Variants in COPS2 observed in about 807,000 individuals in gnomAD.
The protein encoded by COPS2 is COP9 signalosome subunit 2.
COPS2 carries 10 observed loss-of-function variants against 66.1 expected under a neutral mutation model. The ratio of observed to expected loss-of-function variants is 0.15; its 90% CI spans 0.09 to 0.26. The LOEUF (loss-of-function observed/expected upper bound fraction) is 0.26. COPS2 is among the 10% of genes least tolerant of loss of function. The probability of loss-of-function intolerance (pLI) is 1.00; values close to 1 mark genes in which losing one functional copy is unlikely to be tolerated. For missense variants in COPS2, 215 were observed against 513.3 expected (o/e 0.42, Z 5.62); for synonymous variants, 179 against 171.3 (o/e 1.04, Z -0.35).
In COPS2 at chr15:49,123,812, C is replaced by T. The variant is rs2084142509; in HGVS notation, c.*4138G>A. Reference sequence around the variant, plus strand: ...AAAAGTAAAATTTTAGAGAACCACACACTGGTTTCTTCTGAGACATTACCT... The same window carrying T: ...AAAAGTAAAATTTTAGAGAACCACATACTGGTTTCTTCTGAGACATTACCT... On this transcript the variant is annotated 3_prime_UTR_variant, in exon 13 of 13. Transcript: ENST00000388901. 1 of 152,116 alleles carries T rather than the reference C, an allele frequency of 6.6e-6. No homozygotes were observed. The highest frequency in any genetic ancestry group is 1.5e-5 in the Non-Finnish European group (1 of 68,020). 9.4% of individuals were successfully genotyped at this position (152,116 alleles called of 1,614,324 possible). A position where few individuals can be genotyped will look rare whatever the true frequency, so the allele number is the denominator to read the frequency against.
chr15:49,146,165 T>C lies in COPS2; in HGVS notation c.55-1087A>G, dbSNP rs113283575. ...AAATACATTAACACAAGATGAATTT[T>C]TCAATAATCAAGAGTGGCTTTGTAA... On this transcript the variant is annotated intron_variant, in intron 1 of 12. Transcript: ENST00000388901. 6.3e-3 allele frequency among the ~76,000 whole-genome samples: 955 copies of C among 152,256 alleles called. 17 individuals are homozygous for C. The highest frequency in any genetic ancestry group is 0.022 in the African/African-American group (919 of 41,568).
In COPS2 at chr15:49,151,303, G is replaced by A. The variant is rs1187909759; in HGVS notation, c.54+4222C>T. On this transcript the variant is annotated intron_variant, in intron 1 of 12. Transcript: ENST00000388901. ...TGGTCCCAGCTATTCAGGAGGTTGAGGCAGGAGAATTGCTTGAACCCAGAA... is the reference window on the plus strand; with the variant it reads ...TGGTCCCAGCTATTCAGGAGGTTGAAGCAGGAGAATTGCTTGAACCCAGAA... 5.3e-5 allele frequency among the ~76,000 whole-genome samples: 8 copies of A among 151,750 alleles called. No homozygotes were observed. The East Asian group carries it at 1.5e-3, about 29-fold the overall frequency.
intron 11 of COPS2, 111 bp from the exon 12 acceptor site, chr15:49,128,871 A>G: frequency 1.5e-6 from 1 of 681,472 alleles, no homozygotes; most frequent in Admixed American, 2.7e-5. Context: ...ATTAGTGAAG[A>G]GAAGATTTTT....
intron 1 of COPS2, among the ~76,000 whole-genome samples, chr15:49,152,971 C>A (rs967219634): frequency 2.0e-5 from 3 of 152,132 alleles, no homozygotes; most frequent in Admixed American, 2.0e-4. Flanking sequence ...CTTCATGGGA[C>A]AAAAAGATTC....
At chr15:49,149,638 C>T (rs914834072) in intron 1 of COPS2, among the ~76,000 whole-genome samples, 1 of 152,118 alleles carries the variant, frequency 6.6e-6, no homozygotes, top group Non-Finnish European at 1.5e-5. Flanking sequence ...ACAGAGCAGC[C>T]AGGGTCAATT....
intron 1 of COPS2, among the ~76,000 whole-genome samples, chr15:49,152,920 C>A (rs1362384202): frequency 1.3e-5 from 2 of 152,196 alleles, no homozygotes; most frequent in Non-Finnish European, 2.9e-5. Flanking sequence ...AGTTAAAACA[C>A]TGTATGTTTA....
chr15:49,129,255 G>C (rs1337580473), intron 11 of COPS2, among the ~76,000 whole-genome samples: 3 of 151,514 alleles, frequency 2.0e-5, no homozygotes, highest in Admixed American at 2.0e-4. Context: ...CACTGTGCCT[G>C]TGAATAGCCA....
intron 6 of COPS2, among the ~76,000 whole-genome samples, chr15:49,135,653 T>A (rs1212630761): frequency 6.6e-6 from 1 of 152,170 alleles, no homozygotes; most frequent in Non-Finnish European, 1.5e-5. Context: ...AACAGGAAGA[T>A]ATTCATAAAT....
rs187180537 is a variant in COPS2, at chr15:49,128,328, C to T, written c.1188-234G>A. ...AAGACCCATAAGGCATAGATTTATC[C>T]GATTAATCAAAGGCAAGTATCACCT... On this transcript the variant is annotated intron_variant, in intron 12 of 12. Coordinates refer to ENST00000388901, the MANE Select transcript of COPS2 (RefSeq NM_004236.4). 1.2e-4 allele frequency among the ~76,000 whole-genome samples: 19 copies of T among 152,210 alleles called. No individual in the cohort carries two copies. The East Asian group carries it at 2.9e-3, about 23-fold the overall frequency.
chr15:49,150,324 T>G (rs1336362412), intron 1 of COPS2, among the ~76,000 whole-genome samples: 1 of 151,926 alleles, frequency 6.6e-6, no homozygotes, highest in East Asian at 1.9e-4. Context: ...TGCAGACATT[T>G]TTCTATATTT....
chr15:49,149,936 C>T (rs140429420), intron 1 of COPS2, among the ~76,000 whole-genome samples: 3 of 152,264 alleles, frequency 2.0e-5, no homozygotes, highest in African/African-American at 7.2e-5. Flanking sequence ...AAAAAATTCA[C>T]ACAAGTTAAT....
In COPS2 at chr15:49,133,829, A is replaced by G. The variant is rs756309808; in HGVS notation, c.895-18T>C. ...GGCTTGGCCTAAACACAGTAAAGAA[A>G]AAAATTAAATATATGTACAAAGAAA... On this transcript the variant is annotated intron_variant, in intron 8 of 12. Coordinates refer to ENST00000388901, the MANE Select transcript of COPS2 (RefSeq NM_004236.4). 2.1e-5 allele frequency: 33 copies of G among 1,569,134 alleles called. No homozygotes were observed. The South Asian group carries it at 3.3e-4, about 15-fold the overall frequency.
Position 49,128,703 on chromosome 15 carries a change from T to C in COPS2, c.1186A>G (p.Asn396Asp). 6.3e-7 allele frequency: 1 copy of C among 1,596,750 alleles called. No individual in the cohort carries two copies. Among genetic ancestry groups the C allele is most frequent in the Non-Finnish European group, 8.6e-7 (1 of 1,168,078 alleles). The change falls in exon 12 of 13, where the codon AAC becomes GAC. Residue 396 changes from asparagine (N) to aspartate (D), a missense_variant and splice_region_variant. Transcript: ENST00000388901. ...ESLLVQCILD[N>D]TIHGRIDQVN... ...GATAAAAAATAGTAAAGTACTTACT[T>C]ATCCAATATGCACTGCACCAGCAAG...
In COPS2 at chr15:49,129,604, A is replaced by G. The variant is rs1454206587; in HGVS notation, c.1046-45T>C. 4.0e-6 allele frequency: 4 copies of G among 1,001,912 alleles called. No homozygotes were observed. The African/African-American group carries it at 6.7e-5, about 17-fold the overall frequency. The allele number at this position is 1,001,912 out of a possible 1,614,324, so 62.1% of individuals were successfully genotyped here. A position where few individuals can be genotyped will look rare whatever the true frequency, so the allele number is the denominator to read the frequency against. On this transcript the variant is annotated intron_variant, in intron 10 of 12. Transcript: ENST00000388901. The stretch of plus-strand genomic sequence containing the variant: ...AATAACATTTTATTTAACAGTTTGT[A>G]TGATATCTTTATGGATCATTATGTA...
intron 1 of COPS2, among the ~76,000 whole-genome samples, chr15:49,148,562 G>C (rs903412941): frequency 3.9e-5 from 6 of 152,182 alleles, no homozygotes; most frequent in African/African-American, 1.4e-4. Context: ...AAGATGAACT[G>C]GTATTGAACA....
intron 1 of COPS2, among the ~76,000 whole-genome samples, chr15:49,153,880 G>C (rs992457776): frequency 2.6e-5 from 4 of 152,088 alleles, no homozygotes; most frequent in Non-Finnish European, 5.9e-5. Flanking sequence ...AGGGTGTTGT[G>C]GGGGGAAGAG....
chr15:49,141,676 C>T (rs909069565), intron 3 of COPS2, among the ~76,000 whole-genome samples: 10 of 152,178 alleles, frequency 6.6e-5, no homozygotes, highest in Non-Finnish European at 1.5e-4. Flanking sequence ...CCACACATAA[C>T]ATAGCTCCTA....
At chr15:49,141,390 G>A (rs1200494398) in intron 3 of COPS2, among the ~76,000 whole-genome samples, 1 of 152,080 alleles carries the variant, frequency 6.6e-6, no homozygotes, top group Non-Finnish European at 1.5e-5. Context: ...CCAGCTACTT[G>A]GAGGCTGAGG....
At chr15:49,149,190 C>G (rs985815955) in intron 1 of COPS2, among the ~76,000 whole-genome samples, 1 of 152,150 alleles carries the variant, frequency 6.6e-6, no homozygotes, top group African/African-American at 2.4e-5. Context: ...CCTGTTATTT[C>G]CCCCAAGCAA....
Sources: allele counts gnomAD v4.1 joint callset (sites outside exome capture counted in the v4.1 genomes callset), GRCh38; gene constraint gnomAD v4.1.1; transcripts MANE v1.5; gene names NCBI Gene and HGNC (gene_info 2026-07-23, HGNC 2026-07-21).